Variants in CYREN observed in about 807,000 individuals in gnomAD.
CYREN encodes the protein cell cycle regulator of NHEJ, also known as cell cycle regulator of non-homologous end joining.
Under a neutral mutation model 9.7 loss-of-function variants are expected in CYREN, and 7 were observed. The ratio of observed to expected loss-of-function variants is 0.72; its 90% confidence interval spans 0.41 to 1.36. The LOEUF is 1.36. Among genes scored for constraint, CYREN ranks in the 40% most tolerant of loss-of-function variants. The pLI is 0.01. For synonymous variants in CYREN, 76 were observed against 77.9 expected (o/e 0.98, Z 0.13); for missense variants, 215 against 198.1 (o/e 1.09, Z -0.51).
At chr7:135,165,153 G>A, downstream of CYREN, 1 of 786,866 alleles carries the variant, frequency 1.3e-6, no homozygotes, top group Non-Finnish European at 2.0e-6. Context: ...AGGCCGAGGG[G>A]CAGCAAGGGC....
chr7:135,171,074 C>G (rs888529358), upstream of CYREN, among the ~76,000 whole-genome samples: 1 of 152,180 alleles, frequency 6.6e-6, no homozygotes, highest in African/African-American at 2.4e-5. Flanking sequence ...AGGCCCCCCT[C>G]GTGTGCTTGA....
downstream of CYREN, chr7:135,164,975 T>C: frequency 6.2e-7 from 1 of 1,602,518 alleles, no homozygotes; most frequent in Non-Finnish European, 8.5e-7. Flanking sequence ...CTGAGAGGGC[T>C]GAGAGCAAGC....
intron 2 of CYREN, chr7:135,168,139 G>A (rs1057098884): frequency 3.0e-6 from 1 of 331,736 alleles, no homozygotes; most frequent in East Asian, 7.5e-5. Flanking sequence ...TGTACTGAGA[G>A]GAACCTGAAA....
exon 3 of CYREN, chr7:135,094,142 AG>A (rs1822287678): frequency 3.2e-6 from 1 of 310,178 alleles, no homozygotes; most frequent in South Asian, 2.7e-5. Flanking sequence ...AACTACTCTT[AG>A]AAGAAAATAT....
At chr7:135,160,730 T>A (rs1829911019) in intron 2 of CYREN, among the ~76,000 whole-genome samples, 1 of 108,014 alleles carries the variant, frequency 9.3e-6, no homozygotes. Context: ...TTTCATTCGC[T>A]CATTTAAAAA....
chr7:135,108,548 G>A (rs1294246628), intron 2 of CYREN, among the ~76,000 whole-genome samples: 1 of 152,114 alleles, frequency 6.6e-6, no homozygotes, highest in Non-Finnish European at 1.5e-5. Context: ...ATCTCTTCTG[G>A]CTTGTAGGGT....
intron 2 of CYREN, chr7:135,147,899 CTT>C (rs541942410): frequency 2.6e-4 from 120 of 455,854 alleles, no homozygotes; most frequent in Non-Finnish European, 5.0e-4. Flanking sequence ...TTACCTGGCT[CTT>C]TAAATCAGTT....
chr7:135,127,946 C>A (rs1828120350), intron 2 of CYREN, among the ~76,000 whole-genome samples: 1 of 152,070 alleles, frequency 6.6e-6, no homozygotes, highest in South Asian at 2.1e-4. Flanking sequence ...CAGTGATAGA[C>A]TGGATAAAGA....
chr7:135,099,228 C>G (rs1484997853), intron 2 of CYREN, among the ~76,000 whole-genome samples: 1 of 152,102 alleles, frequency 6.6e-6, no homozygotes, highest in Non-Finnish European at 1.5e-5. Flanking sequence ...CTGTCACTGT[C>G]TTTCATAGAT....
chr7:135,096,738 A>AGAGT (rs1822897022), intron 2 of CYREN, among the ~76,000 whole-genome samples: 2 of 120,086 alleles, frequency 1.7e-5, no homozygotes, highest in Non-Finnish European at 3.5e-5. Context: ...AGAAAGAGAA[A>AGAGT]GAATGAAAGA....
chr7:135,102,250 A>G (rs1823947708), intron 2 of CYREN, among the ~76,000 whole-genome samples: 1 of 152,220 alleles, frequency 6.6e-6, no homozygotes, highest in Non-Finnish European at 1.5e-5. Context: ...AATGGAACAT[A>G]AAGTTTCTTC....
At chr7:135,105,312 C>T (rs538458701) in intron 2 of CYREN, among the ~76,000 whole-genome samples, 136 of 138,338 alleles carry the variant, frequency 9.8e-4, no homozygotes, top group Non-Finnish European at 1.7e-3. Context: ...TCAGGTGATC[C>T]GCCTGCCTCG....
At chr7:135,161,273 A>G (rs1356264328), downstream of CYREN, among the ~76,000 whole-genome samples, 10 of 152,344 alleles carry the variant, frequency 6.6e-5, no homozygotes, top group South Asian at 4.1e-4. This position sits in a 1 kb window ranked among gnomAD's most constrained non-coding sequence, Gnocchi z 4.1. Flanking sequence ...GGCTGATGCA[A>G]TCTCCCCGAG....
chr7:135,096,558 A>AGAT (rs1822770203), intron 2 of CYREN, among the ~76,000 whole-genome samples: 1 of 79,730 alleles, frequency 1.3e-5, no homozygotes, highest in African/African-American at 4.6e-5. Context: ...GAAAGAAAGA[A>AGAT]AGATAGATAG....
chr7:135,101,716 T>G (rs921406287), intron 2 of CYREN, among the ~76,000 whole-genome samples: 1 of 152,192 alleles, frequency 6.6e-6, no homozygotes, highest in Non-Finnish European at 1.5e-5. Flanking sequence ...TCTTGGGATA[T>G]TTCTATACTG....
chr7:135,101,391 G>C, intron 2 of CYREN: 2 of 365,310 alleles, frequency 5.5e-6, no homozygotes, highest in Non-Finnish European at 1.1e-5. Flanking sequence ...TTTGTAAAAG[G>C]ATGAGATTGA....
At chr7:135,159,696 C>A (rs1046516551) in intron 2 of CYREN, among the ~76,000 whole-genome samples, 1 of 152,198 alleles carries the variant, frequency 6.6e-6, no homozygotes, top group South Asian at 2.1e-4. Flanking sequence ...AGGGTTCATA[C>A]AGACCAACAA....
chr7:135,139,751 T>C (rs924531191), intron 2 of CYREN, among the ~76,000 whole-genome samples: 2 of 152,070 alleles, frequency 1.3e-5, no homozygotes, highest in Admixed American at 1.3e-4. Flanking sequence ...TTTTTGTATA[T>C]GGTGAAAGGA....
chr7:135,136,429 T>C (rs1829347428), intron 2 of CYREN, among the ~76,000 whole-genome samples: 1 of 152,120 alleles, frequency 6.6e-6, no homozygotes, highest in South Asian at 2.1e-4. Flanking sequence ...AGCTATCTTC[T>C]AAATACATTA....
Sources: gnomAD v4.1 joint callset for allele counts (sites outside exome capture counted in the v4.1 genomes callset) on GRCh38, gnomAD v4.1.1 for gene constraint, Gnocchi (gnomAD v3.1) non-coding constraint, MANE v1.5 for transcripts, NCBI Gene and HGNC (gene_info 2026-07-23, HGNC 2026-07-21) for gene names.